The following CACNB2 variants were observed in gnomAD, a reference collection of about 807,000 sequenced individuals.
CACNB2 encodes calcium voltage-gated channel auxiliary subunit beta 2.
CACNB2 carries 42 observed loss-of-function variants against 73.3 expected under a neutral mutation model. The ratio of observed to expected loss-of-function variants is 0.57; its 90% CI spans 0.45 to 0.74. The LOEUF (loss-of-function observed/expected upper bound fraction) is 0.74. Ranked by LOEUF, CACNB2 falls within the 30% of genes least tolerant of loss-of-function variation. The pLI, the probability that CACNB2 is intolerant of heterozygous loss-of-function variation, is 0.00. For missense variants in CACNB2, 940 were observed against 853.0 expected (o/e 1.10, Z -1.27); for synonymous variants, 348 against 310.3 (o/e 1.12, Z -1.28).
At chr10:18,511,367 G>C (rs2050772748) in intron 6 of CACNB2, among the ~76,000 whole-genome samples, 1 of 152,140 alleles carries the variant, frequency 6.6e-6, no homozygotes, top group South Asian at 2.1e-4. Flanking sequence ...TTAAATAAGA[G>C]AGCCTAGTTT....
intron 2 of CACNB2, among the ~76,000 whole-genome samples, chr10:18,184,884 G>C (rs984066423): frequency 6.6e-6 from 1 of 152,058 alleles, no homozygotes; most frequent in Non-Finnish European, 1.5e-5. Context: ...CTGTTGCCCA[G>C]GCTGGAGTGC....
At chr10:18,174,226 C>A (rs368836540) in intron 2 of CACNB2, among the ~76,000 whole-genome samples, 3 of 140,008 alleles carry the variant, frequency 2.1e-5, no homozygotes, top group African/African-American at 8.3e-5. Context: ...TTCTCCTTCC[C>A]CTTCCCCTTC....
chr10:18,267,753 G>C (rs540337116), intron 2 of CACNB2, among the ~76,000 whole-genome samples: 2 of 152,328 alleles, frequency 1.3e-5, no homozygotes, highest in East Asian at 3.9e-4. Flanking sequence ...CATGTTCAGG[G>C]TCATGGGACC....
intron 2 of CACNB2, among the ~76,000 whole-genome samples, chr10:18,387,626 T>A (rs2043289029): frequency 6.6e-6 from 1 of 152,174 alleles, no homozygotes; most frequent in Non-Finnish European, 1.5e-5. Context: ...AGTATCTGAG[T>A]CTGGTTTGTG....
chr10:18,466,920 C>T (rs933978046), intron 3 of CACNB2, among the ~76,000 whole-genome samples: 1 of 152,078 alleles, frequency 6.6e-6, no homozygotes, highest in Admixed American at 6.6e-5. Flanking sequence ...TTTGGGAGGC[C>T]GAGACGGGCG....
intron 2 of CACNB2, chr10:18,401,032 A>T: frequency 6.2e-7 from 1 of 1,614,180 alleles, no homozygotes; most frequent in Non-Finnish European, 8.5e-7. Flanking sequence ...TGTCTGGCTC[A>T]TGAAGGCCAC....
chr10:18,364,576 A>C (rs773862456), intron 2 of CACNB2, among the ~76,000 whole-genome samples: 1 of 152,210 alleles, frequency 6.6e-6, no homozygotes, highest in Non-Finnish European at 1.5e-5. Flanking sequence ...CTGAGATTAC[A>C]GGCATGAGCC....
intron 2 of CACNB2, among the ~76,000 whole-genome samples, chr10:18,335,221 A>G (rs1050749934): frequency 1.3e-5 from 2 of 152,082 alleles, no homozygotes; most frequent in African/African-American, 4.8e-5. Context: ...GCAAGTGACC[A>G]AATTGTCTTG....
Position 18,539,348 on chromosome 10 carries a change from C to G in CACNB2, c.1607C>G (p.Ala536Gly). The change falls in exon 14 of 14, where the codon GCC (alanine) becomes GGC (glycine). Residue 536 changes from alanine (A) to glycine (G), a missense_variant. Transcript: ENST00000324631. ...TCCCAGCACCGCTCTTCCTCCTCAG[C>G]CCCACACCACAACCATCGCAGTGGG... ...KKSQHRSSSS[A>G]PHHNHRSGTS... 1 of 1,614,130 alleles carries G rather than the reference C, an allele frequency of 6.2e-7. No individual in the cohort carries two copies. The highest frequency in any genetic ancestry group is 1.1e-5 in the South Asian group (1 of 91,066).
intron 3 of CACNB2, among the ~76,000 whole-genome samples, chr10:18,450,625 T>C (rs76452335): frequency 2.7e-5 from 4 of 146,508 alleles, no homozygotes; most frequent in African/African-American, 7.9e-5. Flanking sequence ...TGCTTTTTTT[T>C]CTTTTTTTTT....
chr10:18,445,415 C>T (rs2046683896), intron 3 of CACNB2, among the ~76,000 whole-genome samples: 1 of 152,194 alleles, frequency 6.6e-6, no homozygotes, highest in Non-Finnish European at 1.5e-5. Context: ...TTCCATTACA[C>T]ACGTACTGGC....
intron 2 of CACNB2, among the ~76,000 whole-genome samples, chr10:18,230,189 A>C (rs940615883): frequency 1.1e-4 from 16 of 152,132 alleles, no homozygotes; most frequent in Non-Finnish European, 2.2e-4. Flanking sequence ...AGCATCCCCA[A>C]CTCCCTTGTT....
intron 2 of CACNB2, among the ~76,000 whole-genome samples, chr10:18,278,765 C>A (rs2038408894): frequency 1.3e-5 from 2 of 152,002 alleles, no homozygotes; most frequent in African/African-American, 2.4e-5. Context: ...CTTGTAATCC[C>A]AGCACTTTTG....
chr10:18,330,276 A>G (rs564745309), intron 2 of CACNB2, among the ~76,000 whole-genome samples: 3 of 152,338 alleles, frequency 2.0e-5, no homozygotes, highest in South Asian at 4.1e-4. Context: ...TATCATGCAT[A>G]TGCTTATGTA....
chr10:18,534,031 T>A, intron 10 of CACNB2, 45 bp from the exon 11 acceptor site: 2 of 1,604,000 alleles, frequency 1.2e-6, no homozygotes, highest in African/African-American at 2.7e-5. Context: ...TTTTACTTTA[T>A]CTTAAAAATA....
intron 2 of CACNB2, among the ~76,000 whole-genome samples, chr10:18,184,044 A>T (rs1399622233): frequency 6.6e-6 from 1 of 152,230 alleles, no homozygotes; most frequent in Non-Finnish European, 1.5e-5. Context: ...AACAGTGCCC[A>T]GCCAAGGTTA....
chr10:18,251,285 C>A (rs1354314881), intron 2 of CACNB2, among the ~76,000 whole-genome samples: 1 of 151,788 alleles, frequency 6.6e-6, no homozygotes, highest in Non-Finnish European at 1.5e-5. Flanking sequence ...CACTCTGTCG[C>A]CCAGGCTGGA....
At chr10:18,315,369 A>C (rs959596687) in intron 2 of CACNB2, among the ~76,000 whole-genome samples, 2 of 150,540 alleles carry the variant, frequency 1.3e-5, no homozygotes, top group Admixed American at 1.3e-4. Flanking sequence ...AAACAAAAAC[A>C]AAAACAGTGG....
At chr10:18,367,004 G>A (rs903356011) in intron 2 of CACNB2, among the ~76,000 whole-genome samples, 2 of 152,176 alleles carry the variant, frequency 1.3e-5, no homozygotes, top group African/African-American at 4.8e-5. Context: ...CCTATGAAAG[G>A]ATTTCTTAGC....
Sources: allele counts gnomAD v4.1 joint callset (sites outside exome capture counted in the v4.1 genomes callset), GRCh38; gene constraint gnomAD v4.1.1; transcripts MANE v1.5; gene names NCBI Gene and HGNC (gene_info 2026-07-23, HGNC 2026-07-21).